The following DOCK3 variants were observed in gnomAD, a reference collection of about 807,000 sequenced individuals.
DOCK3 encodes the protein dedicator of cytokinesis 3.
A neutral mutation model predicts 265.6 loss-of-function variants in DOCK3; 60 were observed. The ratio of observed to expected loss-of-function variants is 0.23; its 90% CI spans 0.18 to 0.28. DOCK3 has a LOEUF of 0.28. Ranked by LOEUF, DOCK3 falls within the 10% of genes least tolerant of loss-of-function variation. The pLI, the probability that DOCK3 is intolerant of heterozygous loss-of-function variation, is 1.00. For synonymous variants in DOCK3, 881 were observed against 938.0 expected (o/e 0.94, Z 1.11); for missense variants, 1,981 against 2,594.3 (o/e 0.76, Z 5.14).
intron 7 of DOCK3, among the ~76,000 whole-genome samples, chr3:51,080,630 T>TA (rs1207675059): frequency 1.3e-5 from 2 of 152,276 alleles, no homozygotes; most frequent in South Asian, 4.1e-4. Flanking sequence ...ATGACTGAAA[T>TA]AAAAAAATTA....
chr3:51,269,137 C>CTATA (rs1160046667), intron 23 of DOCK3, among the ~76,000 whole-genome samples: 2 of 141,590 alleles, frequency 1.4e-5, no homozygotes, highest in African/African-American at 2.6e-5. Context: ...CTCTCTCTCT[C>CTATA]TATATATATA....
intron 4 of DOCK3, among the ~76,000 whole-genome samples, chr3:50,907,476 C>T (rs2049587318): frequency 1.3e-5 from 2 of 152,126 alleles, no homozygotes; most frequent in African/African-American, 2.4e-5. Flanking sequence ...GTTAGCTCTT[C>T]TTGTTGAATT....
At chr3:51,313,625 A>G (rs7649069) in intron 31 of DOCK3, among the ~76,000 whole-genome samples, 117,257 of 152,096 alleles carry the variant, frequency 0.77, 46,427 homozygotes, top group Middle Eastern at 0.89. Flanking sequence ...ATTTCAAGTG[A>G]AGTCTGCTTT....
intron 14 of DOCK3, among the ~76,000 whole-genome samples, chr3:51,222,017 A>AT (rs1486447220): frequency 2.6e-5 from 4 of 152,192 alleles, no homozygotes; most frequent in Admixed American, 1.3e-4. Context: ...TCACTTGGTG[A>AT]TTTTTTAAAA....
chr3:51,225,839 T>C, intron 15 of DOCK3, 66 bp downstream of exon 15: 1 of 1,538,358 alleles, frequency 6.5e-7, no homozygotes, highest in Non-Finnish European at 8.8e-7. Context: ...GTGGACTTTA[T>C]CCAGAGGCCC....
At chr3:51,222,878 G>A (rs1189606815) in intron 14 of DOCK3, among the ~76,000 whole-genome samples, 5 of 152,206 alleles carry the variant, frequency 3.3e-5, no homozygotes, top group African/African-American at 1.2e-4. Context: ...GCATATCTCT[G>A]TATAGTCAAC....
chr3:50,878,332 G>A (rs923409186), intron 3 of DOCK3, among the ~76,000 whole-genome samples: 3 of 152,150 alleles, frequency 2.0e-5, no homozygotes, highest in Admixed American at 6.5e-5. Flanking sequence ...AAACTTCTCC[G>A]AGCTAAAGGA....
intron 4 of DOCK3, among the ~76,000 whole-genome samples, chr3:50,893,775 G>C (rs1235414114): frequency 6.6e-6 from 1 of 151,902 alleles, no homozygotes; most frequent in Non-Finnish European, 1.5e-5. Context: ...AATGAACATT[G>C]ATCCTTGAAG....
At chr3:51,147,911 G>T (rs139234229) in intron 10 of DOCK3, among the ~76,000 whole-genome samples, 1 of 152,120 alleles carries the variant, frequency 6.6e-6, no homozygotes, top group Non-Finnish European at 1.5e-5. Flanking sequence ...TTGAGGAATC[G>T]CCACACTATC....
chr3:50,690,689 C>G (rs989632446), intron 1 of DOCK3, among the ~76,000 whole-genome samples: 24 of 152,006 alleles, frequency 1.6e-4, no homozygotes, highest in African/African-American at 5.8e-4. Context: ...GTTGCCCAGG[C>G]TGGAGTGCAG....
intron 1 of DOCK3, among the ~76,000 whole-genome samples, chr3:50,730,062 C>G (rs1313983874): frequency 6.6e-6 from 1 of 151,926 alleles, no homozygotes; most frequent in Non-Finnish European, 1.5e-5. Context: ...AACTCAAGTT[C>G]CAGATGGTTT....
intron 27 of DOCK3, among the ~76,000 whole-genome samples, chr3:51,297,141 T>A (rs4974110): frequency 0.13 from 9,296 of 72,172 alleles, 857 homozygotes; most frequent in East Asian, 0.46. Context: ...AAAAAAAAAA[T>A]CTACATGTAA....
At chr3:51,208,522 T>C (rs2089341045) in intron 12 of DOCK3, among the ~76,000 whole-genome samples, 1 of 152,182 alleles carries the variant, frequency 6.6e-6, no homozygotes, top group South Asian at 2.1e-4. Context: ...TGTGGGATAG[T>C]GTTACTTCTG....
In DOCK3 at chr3:51,049,000, C is replaced by T. The variant is rs184032669; in HGVS notation, c.316-15448C>T. ...GCAACAACAAACAGTAGCAGGCTTTCGGTCTCTACTTACAATGCTGTGTTT... is the reference window on the plus strand; with the variant it reads ...GCAACAACAAACAGTAGCAGGCTTTTGGTCTCTACTTACAATGCTGTGTTT... On this transcript the variant is annotated intron_variant, in intron 5 of 52. Coordinates refer to ENST00000266037, the MANE Select transcript of DOCK3 (RefSeq NM_004947.5). Among the ~76,000 whole-genome samples, 202 of 152,270 alleles carry T rather than the reference C, an allele frequency of 1.3e-3. 1 individual carries two copies. Among genetic ancestry groups the T allele is most frequent in the Admixed American group, 9.4e-3 (144 of 15,280 alleles).
At chr3:50,873,984 T>C (rs746641750) in intron 3 of DOCK3, among the ~76,000 whole-genome samples, 1 of 151,996 alleles carries the variant, frequency 6.6e-6, no homozygotes, top group Admixed American at 6.6e-5. Context: ...CTTTCAGTAA[T>C]GTAAAGTTAA....
intron 4 of DOCK3, among the ~76,000 whole-genome samples, chr3:50,932,900 A>G (rs987491514): frequency 6.6e-6 from 1 of 152,248 alleles, no homozygotes; most frequent in African/African-American, 2.4e-5. Flanking sequence ...ATAAAGACAT[A>G]TCTGAGACTG....
At chr3:50,797,280 G>A (rs1012654971) in intron 2 of DOCK3, among the ~76,000 whole-genome samples, 12 of 152,044 alleles carry the variant, frequency 7.9e-5, no homozygotes, top group Non-Finnish European at 1.3e-4. Flanking sequence ...GCTGTCAGGC[G>A]CAGGCCTGTG....
At chr3:51,145,717 C>T (rs190568158) in intron 9 of DOCK3, among the ~76,000 whole-genome samples, 1 of 152,242 alleles carries the variant, frequency 6.6e-6, no homozygotes, top group East Asian at 1.9e-4. Flanking sequence ...TTGGACACTG[C>T]TGCCCTAAAG....
chr3:51,207,616 G>A (rs2089286108), intron 12 of DOCK3, among the ~76,000 whole-genome samples: 1 of 152,140 alleles, frequency 6.6e-6, no homozygotes, highest in African/African-American at 2.4e-5. Flanking sequence ...AATTAATTAA[G>A]CTAGTAACTG....
Sources: gnomAD v4.1 joint callset for allele counts (sites outside exome capture counted in the v4.1 genomes callset) on GRCh38, gnomAD v4.1.1 for gene constraint, MANE v1.5 for transcripts, NCBI Gene and HGNC (gene_info 2026-07-23, HGNC 2026-07-21) for gene names.